Variants in ACBD7 observed in about 807,000 individuals in gnomAD.
ACBD7 encodes the protein acyl-CoA binding domain containing 7.
ACBD7 carries 11 observed loss-of-function variants against 13.7 expected under a neutral mutation model. The ratio of observed to expected loss-of-function variants is 0.80; its 90% CI spans 0.50 to 1.33. The LOEUF (loss-of-function observed/expected upper bound fraction) is 1.33, where lower values mean the gene tolerates loss of function less well. Ranked by LOEUF, ACBD7 falls within the 40% of genes most tolerant of loss-of-function variation. The pLI, the probability that ACBD7 is intolerant of heterozygous loss-of-function variation, is 0.00. For missense variants in ACBD7, 111 were observed against 103.0 expected, an observed-to-expected ratio of 1.08 and a Z score of -0.33; for synonymous variants, 43 against 37.7, an observed-to-expected ratio of 1.14 and a Z score of -0.51.
chr10:15,088,650 G>T, intron 1 of ACBD7, 67 bp downstream of exon 1: 1 of 1,569,384 alleles, frequency 6.4e-7, no homozygotes. Flanking sequence ...AAGCCCACCC[G>T]GAGCCCCACT....
In ACBD7 at chr10:15,078,807, T is replaced by C. The variant is rs750376090; in HGVS notation, c.131-54A>G. 1.1e-5 allele frequency: 18 copies of C among 1,571,980 alleles called. 1 individual carries two copies. The highest frequency in any genetic ancestry group is 6.9e-5 in the South Asian group (6 of 86,988). On this transcript the variant is annotated intron_variant, in intron 2 of 3. Transcript: ENST00000356189. ...AGGTTAACATTTTACTGTGCACTTC[T>C]ATAGACATTGTTCAAACGGAGTATA...
chr10:15,081,147 C>T (rs1057506306), intron 1 of ACBD7, among the ~76,000 whole-genome samples: 1 of 152,166 alleles, frequency 6.6e-6, no homozygotes, highest in African/African-American at 2.4e-5. Context: ...GCCTCCATAA[C>T]AACCGTTTCA....
rs1844694539 is a variant in ACBD7, at chr10:15,077,386, T to A, written c.*1144A>T. On this transcript the variant is annotated 3_prime_UTR_variant, in exon 4 of 4. Coordinates refer to ENST00000356189, the MANE Select transcript of ACBD7 (RefSeq NM_001039844.3). ...AAGAACCCTCAGAAACAAAAAAAAA[T>A]ACCACATGTTTTCACTTATAAGTGG... 6.6e-6 allele frequency: 1 copy of A among 151,198 alleles called. No homozygotes were observed. Among genetic ancestry groups the A allele is most frequent in the African/African-American group, 2.4e-5 (1 of 40,936 alleles). The allele number at this position is 151,198 out of a possible 1,614,324, so 9.4% of individuals were successfully genotyped here.
chr10:15,078,755 T>C lies in ACBD7; in HGVS notation c.131-2A>G, dbSNP rs865823291. 1 of 1,613,770 alleles carries C rather than the reference T, an allele frequency of 6.2e-7. No individual in the cohort carries two copies. Among genetic ancestry groups the C allele is most frequent in the African/African-American group, 1.3e-5 (1 of 75,038 alleles). On this transcript the variant is annotated splice_acceptor_variant, in intron 2 of 3. Transcript: ENST00000356189. LOFTEE classifies it high-confidence loss of function. Reference sequence around the variant, plus strand: ...TTAAATCTAGCATTCCTGGACACGCTGGCAAAAGAAGGAGACATGCATTTG... The same window carrying C: ...TTAAATCTAGCATTCCTGGACACGCCGGCAAAAGAAGGAGACATGCATTTG...
At chr10:15,083,028 C>G (rs562731787) in intron 1 of ACBD7, among the ~76,000 whole-genome samples, 3 of 152,096 alleles carry the variant, frequency 2.0e-5, no homozygotes, top group African/African-American at 7.2e-5. Context: ...CAGAGCAAGA[C>G]TCCGTCTCAA....
chr10:15,079,682 C>T (rs921902284), intron 1 of ACBD7, among the ~76,000 whole-genome samples: 21 of 151,828 alleles, frequency 1.4e-4, no homozygotes, highest in Non-Finnish European at 2.7e-4. Context: ...GGGTTCATGC[C>T]ATTCTCCTGC....
In ACBD7 at chr10:15,088,670, C is replaced by T. The variant is rs753706852; in HGVS notation, c.12+47G>A. 10 of 1,587,486 alleles carry T rather than the reference C, an allele frequency of 6.3e-6. No individual in the cohort carries two copies. In the Admixed American group the frequency reaches 1.5e-4, roughly 24 times the overall value. On this transcript the variant is annotated intron_variant, in intron 1 of 3. Coordinates refer to ENST00000356189, the MANE Select transcript of ACBD7 (RefSeq NM_001039844.3). ...CACCCGGAGCCCCACTTAAGCACTC[C>T]CCTCGCGGAGCGCCCCTCCCGCGTG...
intron 1 of ACBD7, among the ~76,000 whole-genome samples, chr10:15,087,930 G>A (rs985145499): frequency 2.0e-5 from 3 of 152,142 alleles, no homozygotes; most frequent in African/African-American, 7.2e-5. Flanking sequence ...GGAGGTTGCA[G>A]TGAGCAGAGG....
chr10:15,077,349 T>G lies in ACBD7; in HGVS notation c.*1181A>C, dbSNP rs543377761. On this transcript the variant is annotated 3_prime_UTR_variant, in exon 4 of 4. Coordinates refer to ENST00000356189, the MANE Select transcript of ACBD7 (RefSeq NM_001039844.3). Reference sequence around the variant, plus strand: ...AACAACTCAGAAAAAAATAAGAAAATAAAGATTTTTAAAGAACCCTCAGAA... The same window carrying G: ...AACAACTCAGAAAAAAATAAGAAAAGAAAGATTTTTAAAGAACCCTCAGAA... Among the ~76,000 whole-genome samples the G allele has an allele frequency of 1.3e-5, 2 of 150,562 alleles. No homozygotes were observed. Among genetic ancestry groups the G allele is most frequent in the South Asian group, 4.2e-4 (2 of 4,770 alleles).
At chr10:15,080,137 C>G (rs1844733578) in intron 1 of ACBD7, among the ~76,000 whole-genome samples, 2 of 152,090 alleles carry the variant, frequency 1.3e-5, no homozygotes, top group Admixed American at 1.3e-4. Context: ...GTACAGATTC[C>G]TTTCCACACT....
chr10:15,078,916 A>G lies in ACBD7; in HGVS notation c.130+7T>C, dbSNP rs779858331. On this transcript the variant is annotated splice_region_variant and intron_variant, in intron 2 of 3. Coordinates refer to ENST00000356189, the MANE Select transcript of ACBD7 (RefSeq NM_001039844.3). Reference sequence around the variant, plus strand: ...ATGAATATATTAATATTAATAATATATAATACCAATATTAATGTCTCCAAC... The same window carrying G: ...ATGAATATATTAATATTAATAATATGTAATACCAATATTAATGTCTCCAAC... The G allele has an allele frequency of 2.3e-5, 33 of 1,406,538 alleles. No homozygotes were observed. The highest frequency in any genetic ancestry group is 3.0e-5 in the Non-Finnish European group (31 of 1,043,496). 87.1% of individuals were successfully genotyped at this position (1,406,538 alleles called of 1,614,324 possible).
chr10:15,088,768 C>A lies in ACBD7; in HGVS notation c.-40G>T. ...CGTTGTTGCTGCTGCTGTTGTCGTC[C>A]GGTGCTCTGCCCCCTCTCGCACCCA... On this transcript the variant is annotated 5_prime_UTR_variant, in exon 1 of 4. Coordinates refer to ENST00000356189, the MANE Select transcript of ACBD7 (RefSeq NM_001039844.3). 6.3e-7 allele frequency: 1 copy of A among 1,597,386 alleles called. No individual in the cohort carries two copies.
intron 1 of ACBD7, among the ~76,000 whole-genome samples, chr10:15,086,168 C>A (rs1163241596): frequency 6.6e-6 from 1 of 151,908 alleles, no homozygotes; most frequent in African/African-American, 2.4e-5. Context: ...ATTAGCCGGC[C>A]GTGGTGGCAG....
In ACBD7 at chr10:15,086,346, C is replaced by T. The variant is rs567653119; in HGVS notation, c.12+2371G>A. Among the ~76,000 whole-genome samples the T allele has an allele frequency of 6.3e-4, 95 of 151,890 alleles. 2 individuals are homozygous for T. In the South Asian group the frequency reaches 7.9e-3, roughly 13 times the overall value. On this transcript the variant is annotated intron_variant, in intron 1 of 3. Coordinates refer to ENST00000356189, the MANE Select transcript of ACBD7 (RefSeq NM_001039844.3). ...TTACCTTCCCCCAATATTGTTGACA[C>T]GCAAATGCATTATTAGTAGATAATA... is the stretch of plus-strand genomic sequence containing the variant.
Position 15,078,557 on chromosome 10 carries a change from C to T in ACBD7, c.240G>A (p.Lys80=). 1 of 1,614,124 alleles carries T rather than the reference C, an allele frequency of 6.2e-7. No homozygotes were observed. Among genetic ancestry groups the T allele is most frequent in the Non-Finnish European group, 8.5e-7 (1 of 1,180,026 alleles). The change falls in exon 4 of 4, where the codon AAG becomes AAA. Residue 80 remains lysine, a synonymous_variant. Coordinates refer to ENST00000356189, the MANE Select transcript of ACBD7 (RefSeq NM_001039844.3). ...AAATTCCGTATTTTTCTATCAGCTC[C>T]TTTGCTTTAGAAATATAGGCACTCG... ...DATSAYISKA[K]ELIEKYGI is the part of the protein sequence containing the mutation.
At chr10:15,087,353 A>G (rs1418738501) in intron 1 of ACBD7, among the ~76,000 whole-genome samples, 1 of 152,262 alleles carries the variant, frequency 6.6e-6, no homozygotes, top group African/African-American at 2.4e-5. Flanking sequence ...GCTAAGTAGA[A>G]GTGAGGCACA....
chr10:15,085,340 C>A (rs892637735), intron 1 of ACBD7, among the ~76,000 whole-genome samples: 1 of 152,202 alleles, frequency 6.6e-6, no homozygotes, highest in African/African-American at 2.4e-5. Context: ...GCTGACTAGG[C>A]GGGCTGCTGT....
In ACBD7 at chr10:15,076,589, A is replaced by G; in HGVS notation, c.*1941T>C. 2.9e-6 allele frequency: 2 copies of G among 687,986 alleles called. No individual in the cohort carries two copies. Among genetic ancestry groups the G allele is most frequent in the Non-Finnish European group, 3.6e-6 (2 of 561,062 alleles). 42.6% of individuals were successfully genotyped at this position (687,986 alleles called of 1,614,324 possible). A position where few individuals can be genotyped will look rare whatever the true frequency, so the allele number is the denominator to read the frequency against. ...GTGATCTTGGCTCACTGCAACCTCC[A>G]TCTCCTGGGTAAAAGCAATTCTCCT... On this transcript the variant is annotated 3_prime_UTR_variant, in exon 4 of 4. Transcript: ENST00000356189.
intron 1 of ACBD7, among the ~76,000 whole-genome samples, chr10:15,081,216 C>T (rs924446933): frequency 1.1e-4 from 16 of 152,272 alleles, no homozygotes; most frequent in African/African-American, 3.4e-4. Context: ...TGCCCTCATA[C>T]GAAGACTCCA....
Sources: allele counts gnomAD v4.1 joint callset (sites outside exome capture counted in the v4.1 genomes callset), GRCh38; gene constraint gnomAD v4.1.1; transcripts MANE v1.5; gene names NCBI Gene and HGNC (gene_info 2026-07-23, HGNC 2026-07-21).